PHKA1: variants seen among roughly 807,000 people sequenced by gnomAD.
The protein encoded by PHKA1 is phosphorylase kinase regulatory subunit alpha 1, also known as phosphorylase b kinase regulatory subunit alpha, skeletal muscle isoform.
PHKA1 carries 60 observed loss-of-function variants against 110.2 expected under a neutral mutation model. The ratio of observed to expected loss-of-function variants is 0.54; its 90% CI spans 0.44 to 0.68. PHKA1 has a LOEUF of 0.68. PHKA1 is among the 30% of genes least tolerant of loss of function. The pLI is 0.00. For synonymous variants in PHKA1, 316 were observed against 333.6 expected (o/e 0.95, Z 0.58); for missense variants, 801 against 942.5 (o/e 0.85, Z 1.97).
At chrX:72,713,035 C>T (rs1255591701) in intron 1 of PHKA1, 98 bp from the exon 2 acceptor site, 16 of 866,910 alleles carry the variant, frequency 1.8e-5, no homozygotes, top group Non-Finnish European at 2.5e-5. Context: ...TTTGGTCTTT[C>T]TTCTACTTCT....
chrX:72,658,707 T>C (rs2053526491), intron 8 of PHKA1, among the ~76,000 whole-genome samples: 1 of 111,484 alleles, frequency 9.0e-6, no homozygotes, highest in South Asian at 3.8e-4. Context: ...CGATTTGGTT[T>C]TGTTTGATGT....
At position 72,669,462 on chromosome X, in the gene PHKA1, G is replaced by A. The variant is rs1029807526; in HGVS notation, c.619-1989C>T. 1.5e-4 allele frequency among the ~76,000 whole-genome samples: 16 copies of A among 108,529 alleles called. No homozygotes were observed. The Admixed American group carries it at 1.6e-3, about 11-fold the overall frequency. The allele number at this position is 108,529 out of a possible 115,157, so 94.2% of individuals were successfully genotyped here. ...AGTTACATATGTATACATGTGCCAT[G>A]TTGGTGTGCTGCACCCAGTAACTTG... On this transcript the variant is annotated intron_variant, in intron 6 of 31. Transcript: ENST00000373542.
chrX:72,698,270 T>A (rs2054156521), intron 3 of PHKA1, among the ~76,000 whole-genome samples: 1 of 111,783 alleles, frequency 8.9e-6, no homozygotes, highest in Non-Finnish European at 1.9e-5. Context: ...GTGTACACAC[T>A]GTTTCACTAC....
chrX:72,625,059 T>C (rs1271923885), intron 17 of PHKA1, among the ~76,000 whole-genome samples: 2 of 112,085 alleles, frequency 1.8e-5, no homozygotes, highest in Non-Finnish European at 1.9e-5. Flanking sequence ...ATTGGGATAA[T>C]TGGGTAACTG....
rs146746007 is a variant in PHKA1, at chrX:72,604,861, G to A, written c.2815+410C>T. ...TGAAAATGTCATCTTCCTTTATTCA[G>A]TCATGATGGTGACTAGACAGAATAC... On this transcript the variant is annotated intron_variant, in intron 25 of 31. Coordinates refer to ENST00000373542, the MANE Select transcript of PHKA1 (RefSeq NM_002637.4). 3.2e-3 allele frequency among the ~76,000 whole-genome samples: 360 copies of A among 111,646 alleles called. 1 individual carries two copies. Among genetic ancestry groups the A allele is most frequent in the African/African-American group, 0.011 (348 of 30,806 alleles).
chrX:72,682,251 C>T (rs1183112417), intron 5 of PHKA1, among the ~76,000 whole-genome samples: 1 of 93,452 alleles, frequency 1.1e-5, no homozygotes, highest in Non-Finnish European at 2.2e-5. Context: ...GGGGTCAGCC[C>T]CCCGCCCGGC....
chrX:72,698,331 T>C (rs916576209), intron 3 of PHKA1, among the ~76,000 whole-genome samples: 1 of 112,413 alleles, frequency 8.9e-6, no homozygotes, highest in Non-Finnish European at 1.9e-5. Flanking sequence ...AATAAAAGCA[T>C]TTAAATCAGA....
chrX:72,689,177 TTGAGA>T (rs2054004043), intron 4 of PHKA1, among the ~76,000 whole-genome samples: 1 of 112,258 alleles, frequency 8.9e-6, no homozygotes, highest in Non-Finnish European at 1.9e-5. Flanking sequence ...AACAACCTTA[TTGAGA>T]TATGTAAAAA....
At chrX:72,627,747 T>C (rs1484231415) in intron 16 of PHKA1, among the ~76,000 whole-genome samples, 2 of 109,956 alleles carry the variant, frequency 1.8e-5, no homozygotes, top group Non-Finnish European at 3.8e-5. Flanking sequence ...ACTGCCAAAT[T>C]ACCCACTATA....
chrX:72,586,422 T>C (rs950972675), intron 29 of PHKA1, among the ~76,000 whole-genome samples: 15 of 111,942 alleles, frequency 1.3e-4, no homozygotes, highest in African/African-American at 4.9e-4. Flanking sequence ...ACCCCATCTG[T>C]AGGTCACCAA....
At chrX:72,617,833 T>TA (rs781915694) in intron 21 of PHKA1, among the ~76,000 whole-genome samples, 145 of 93,594 alleles carry the variant, frequency 1.5e-3, no homozygotes, top group African/African-American at 4.8e-3. Flanking sequence ...TTCCAAAAAA[T>TA]AAAAAAAATA....
chrX:72,701,592 G>A (rs1332179246), intron 3 of PHKA1, among the ~76,000 whole-genome samples: 1 of 111,207 alleles, frequency 9.0e-6, no homozygotes, highest in African/African-American at 3.3e-5. Context: ...AGTGGTGGGC[G>A]CCTGTAACCC....
chrX:72,690,652 T>A (rs1556320946), intron 4 of PHKA1, among the ~76,000 whole-genome samples: 1 of 112,608 alleles, frequency 8.9e-6, no homozygotes, highest in Non-Finnish European at 1.9e-5. Context: ...ATTTCTGTTG[T>A]TTAAGCCACC....
At chrX:72,628,952 A>AT (rs1386684919) in intron 16 of PHKA1, among the ~76,000 whole-genome samples, 1 of 111,258 alleles carries the variant, frequency 9.0e-6, no homozygotes, top group African/African-American at 3.3e-5. Flanking sequence ...TTTAGAATGT[A>AT]TTTTTGCAAA....
chrX:72,583,163 T>C (rs1462681493), intron 30 of PHKA1, among the ~76,000 whole-genome samples: 3 of 111,892 alleles, frequency 2.7e-5, no homozygotes, highest in African/African-American at 9.7e-5. Flanking sequence ...GGTAAACTTG[T>C]ATTGAGTATA....
chrX:72,675,484 A>G lies in PHKA1; in HGVS notation c.618+586T>C, dbSNP rs782715070. ...TCCTTTTATTTTTTAAAATCAATCT[A>G]TATCTTTGCATATTAGTAGGACAGA... On this transcript the variant is annotated intron_variant, in intron 6 of 31. Transcript: ENST00000373542. 1.2e-4 allele frequency among the ~76,000 whole-genome samples: 13 copies of G among 111,454 alleles called. No individual in the cohort carries two copies. The South Asian group carries it at 4.9e-3, about 42-fold the overall frequency.
chrX:72,695,975 A>G lies in PHKA1; in HGVS notation c.286-99T>C, dbSNP rs781836879. ...TAACATACATTATTGCAATGTGAAG[A>G]TACACTATCTTCAGGCAATTGTGAA... is the stretch of plus-strand genomic sequence containing the variant. On this transcript the variant is annotated intron_variant, in intron 3 of 31. Transcript: ENST00000373542. The G allele has an allele frequency of 5.2e-5, 36 of 696,009 alleles. No homozygotes were observed. The East Asian group carries it at 1.1e-3, about 21-fold the overall frequency. The allele number at this position is 696,009 out of a possible 1,213,427, so 57.4% of individuals were successfully genotyped here. A position where few individuals can be genotyped will look rare whatever the true frequency, so the allele number is the denominator to read the frequency against.
At chrX:72,675,999 G>A in intron 6 of PHKA1, 71 bp downstream of exon 6, 1 of 779,520 alleles carries the variant, frequency 1.3e-6, no homozygotes, top group Non-Finnish European at 2.0e-6. Context: ...GTCACATTAA[G>A]TTTTATCTGT....
chrX:72,588,755 A>G (rs1325536845), intron 29 of PHKA1, among the ~76,000 whole-genome samples: 1 of 111,583 alleles, frequency 9.0e-6, no homozygotes, highest in South Asian at 3.8e-4. Context: ...TATCACCACC[A>G]ATCCCACAGA....
Sources: gnomAD v4.1 joint callset for allele counts (sites outside exome capture counted in the v4.1 genomes callset) on GRCh38, gnomAD v4.1.1 for gene constraint, MANE v1.5 for transcripts, NCBI Gene and HGNC (gene_info 2026-07-23, HGNC 2026-07-21) for gene names.